ZRANB3: variants seen among roughly 807,000 people sequenced by gnomAD.
ZRANB3 encodes zinc finger RANBP2-type containing 3, also known as DNA annealing helicase and endonuclease ZRANB3.
In ZRANB3, 125 loss-of-function variants were observed where a neutral mutation model predicts 133.8. The observed-to-expected ratio is 0.93, with a 90% CI of 0.81 to 1.08. The LOEUF (loss-of-function observed/expected upper bound fraction) is 1.08, where lower values mean the gene tolerates loss of function less well. ZRANB3 is among the 50% of genes least tolerant of loss of function. The probability of loss-of-function intolerance (pLI) is 0.00; values close to 1 mark genes in which losing one functional copy is unlikely to be tolerated. For synonymous variants in ZRANB3, 387 were observed against 432.7 expected (o/e 0.89, Z 1.31); for missense variants, 1,229 against 1,275.5 (o/e 0.96, Z 0.56).
At chr2:135,201,634 C>T (rs1176674642) in intron 20 of ZRANB3, among the ~76,000 whole-genome samples, 1 of 148,076 alleles carries the variant, frequency 6.8e-6, no homozygotes, top group Non-Finnish European at 1.5e-5. Flanking sequence ...CATCACACTC[C>T]AGCCTGGGTG....
At chr2:135,403,859 C>T (rs964886584) in intron 2 of ZRANB3, among the ~76,000 whole-genome samples, 1 of 152,210 alleles carries the variant, frequency 6.6e-6, no homozygotes, top group African/African-American at 2.4e-5. Context: ...AGTGGACCTC[C>T]AGCAAACTCC....
chr2:135,349,870 C>T, intron 5 of ZRANB3, 114 bp downstream of exon 5: 3 of 739,208 alleles, frequency 4.1e-6, no homozygotes, highest in South Asian at 3.6e-5. Context: ...ATGTACTCCT[C>T]TAGCATTTAA....
chr2:135,230,555 ACT>A lies in ZRANB3; in HGVS notation c.1910_1911del (p.Glu637ValfsTer5). 1 of 1,567,382 alleles carries A rather than the reference ACT, an allele frequency of 6.4e-7. No individual in the cohort carries two copies. The highest frequency in any genetic ancestry group is 8.6e-7 in the Non-Finnish European group (1 of 1,161,764). ...CSLCTYINNS[E>X]LPYCEMCETP... ...GTCTCACACATTTCACAATAAGGTA[ACT>A]CTGAATTATTGATATAGGTGCAGAG... On this transcript the variant is annotated frameshift_variant, in exon 13 of 21. Coordinates refer to ENST00000264159, the MANE Select transcript of ZRANB3 (RefSeq NM_032143.4). LOFTEE classifies it high-confidence loss of function.
chr2:135,382,717 A>G (rs1052348989), intron 3 of ZRANB3, among the ~76,000 whole-genome samples: 6 of 152,218 alleles, frequency 3.9e-5, no homozygotes, highest in African/African-American at 1.4e-4. Flanking sequence ...TTTTCAACCC[A>G]GAATTTCATA....
At chr2:135,466,885 C>T (rs1322480269) in intron 2 of ZRANB3, among the ~76,000 whole-genome samples, 1 of 152,062 alleles carries the variant, frequency 6.6e-6, no homozygotes, top group Admixed American at 6.6e-5. Context: ...CCATGTTGCC[C>T]AGGCTGCAAG....
chr2:135,457,731 C>T (rs181415868), intron 2 of ZRANB3, among the ~76,000 whole-genome samples: 117 of 151,094 alleles, frequency 7.7e-4, no homozygotes, highest in Admixed American at 6.2e-3. Flanking sequence ...ATTGATGATG[C>T]CCGTCTATTC....
At chr2:135,463,078 A>G (rs952055531) in intron 2 of ZRANB3, among the ~76,000 whole-genome samples, 2 of 152,250 alleles carry the variant, frequency 1.3e-5, no homozygotes, top group African/African-American at 4.8e-5. Flanking sequence ...CTGAAGTCCC[A>G]GCTACTTAGG....
chr2:135,202,962 A>G lies in ZRANB3; in HGVS notation c.3011T>C (p.Leu1004Pro). ...CCCTGGGTTTCTTATCATTTCATTTAGCTGCAATAAGAATACAAGATCAGC... is the reference window on the plus strand; with the variant it reads ...CCCTGGGTTTCTTATCATTTCATTTGGCTGCAATAAGAATACAAGATCAGC... ...TWTSKLPLEQ[L>P]NEMIRNPGEG... The change falls in exon 20 of 21, where the codon CTA (leucine) becomes CCA (proline). Residue 1004 changes from leucine (L) to proline (P), a missense_variant and splice_region_variant. Physicochemically the swap from Leu to Pro is moderately conservative, Grantham distance 98. Coordinates refer to ENST00000264159, the MANE Select transcript of ZRANB3 (RefSeq NM_032143.4). 4 of 1,611,602 alleles carry G rather than the reference A, an allele frequency of 2.5e-6. No homozygotes were observed. The highest frequency in any genetic ancestry group is 3.4e-6 in the Non-Finnish European group (4 of 1,178,804).
At chr2:135,407,200 C>G (rs933828006) in intron 2 of ZRANB3, among the ~76,000 whole-genome samples, 116 of 152,248 alleles carry the variant, frequency 7.6e-4, no homozygotes, top group East Asian at 1.7e-3. Flanking sequence ...AGAGCCAAAT[C>G]ATGAGTGAAC....
chr2:135,462,604 T>C (rs1165212429), intron 2 of ZRANB3, among the ~76,000 whole-genome samples: 1 of 151,630 alleles, frequency 6.6e-6, no homozygotes, highest in African/African-American at 2.4e-5. Flanking sequence ...TTTTTCTTTT[T>C]CTTTTTTTTT....
chr2:135,437,525 T>C (rs189361727), intron 2 of ZRANB3, among the ~76,000 whole-genome samples: 290 of 152,300 alleles, frequency 1.9e-3, no homozygotes, highest in African/African-American at 6.5e-3. Context: ...CCAGTTTAGA[T>C]GCTGGTTATA....
At chr2:135,433,427 G>C (rs905406666) in intron 2 of ZRANB3, among the ~76,000 whole-genome samples, 2 of 152,022 alleles carry the variant, frequency 1.3e-5, no homozygotes, top group African/African-American at 4.8e-5. Context: ...AGAAATCAAA[G>C]TTTAAAAAGT....
chr2:135,332,390 T>C (rs1684189359), intron 6 of ZRANB3, among the ~76,000 whole-genome samples: 1 of 152,166 alleles, frequency 6.6e-6, no homozygotes, highest in Admixed American at 6.6e-5. Flanking sequence ...TTCAAATTCC[T>C]GTAGGCTTCA....
intron 1 of ZRANB3, among the ~76,000 whole-genome samples, chr2:135,505,765 G>A (rs1003089484): frequency 1.3e-5 from 2 of 152,086 alleles, no homozygotes; most frequent in African/African-American, 2.4e-5. Context: ...CCACGCACTC[G>A]TAGGGTTTAT....
At chr2:135,216,198 A>G (rs16831455) in intron 17 of ZRANB3, among the ~76,000 whole-genome samples, 34,881 of 151,936 alleles carry the variant, frequency 0.23, 6,046 homozygotes, top group African/African-American at 0.47. Flanking sequence ...AACAGTGGAA[A>G]AGATTTTCGC....
chr2:135,312,188 TTTTTATTTTA>T (rs1228211709), intron 8 of ZRANB3, among the ~76,000 whole-genome samples: 34 of 127,222 alleles, frequency 2.7e-4, no homozygotes, highest in Non-Finnish European at 4.3e-4. Flanking sequence ...TTTTATTTTA[TTTTTATTTTA>T]TTTTATTTTA....
intron 2 of ZRANB3, among the ~76,000 whole-genome samples, chr2:135,400,838 CTTTA>C (rs764035251): frequency 9.9e-5 from 15 of 152,146 alleles, no homozygotes; most frequent in Non-Finnish European, 1.6e-4. Flanking sequence ...TCCAAAAAAA[CTTTA>C]TTTATCAACA....
intron 20 of ZRANB3, among the ~76,000 whole-genome samples, chr2:135,200,659 A>G (rs1235663673): frequency 6.6e-6 from 1 of 152,044 alleles, no homozygotes; most frequent in Non-Finnish European, 1.5e-5. Flanking sequence ...GCAGGAGAAA[A>G]CATACAACTT....
chr2:135,266,077 C>T (rs1000767765), intron 11 of ZRANB3, among the ~76,000 whole-genome samples: 2 of 152,070 alleles, frequency 1.3e-5, no homozygotes, highest in Admixed American at 1.3e-4. Flanking sequence ...GGCGTGGTGG[C>T]AGGCGCCTGT....
Sources: gnomAD v4.1 joint callset for allele counts (sites outside exome capture counted in the v4.1 genomes callset) on GRCh38, gnomAD v4.1.1 for gene constraint, MANE v1.5 for transcripts, NCBI Gene and HGNC (gene_info 2026-07-23, HGNC 2026-07-21) for gene names.